The following CNTNAP2 variants were observed in gnomAD, a reference collection of about 807,000 sequenced individuals.
CNTNAP2 encodes contactin associated protein 2.
CNTNAP2 carries 98 observed loss-of-function variants against 155.2 expected under a neutral mutation model. The observed-to-expected ratio is 0.63, with a 90% CI of 0.54 to 0.75. CNTNAP2 has a LOEUF of 0.75. Among genes scored for constraint, CNTNAP2 ranks in the 30% least tolerant of loss-of-function variants. The pLI is 0.00. For synonymous variants in CNTNAP2, 651 were observed against 631.2 expected (o/e 1.03, Z -0.47); for missense variants, 1,727 against 1,688.1 (o/e 1.02, Z -0.40).
At chr7:148,299,105 C>G (rs1797335511) in intron 21 of CNTNAP2, among the ~76,000 whole-genome samples, 1 of 152,070 alleles carries the variant, frequency 6.6e-6, no homozygotes, top group Admixed American at 6.6e-5. Flanking sequence ...TTTCTCCCAC[C>G]TCAGCCTCCT....
chr7:146,272,864 G>T (rs1800103779), intron 1 of CNTNAP2, among the ~76,000 whole-genome samples: 1 of 152,146 alleles, frequency 6.6e-6, no homozygotes, highest in South Asian at 2.1e-4. Context: ...ATCTTTTTAT[G>T]TTAGGGAAGA....
chr7:146,523,229 A>G (rs1263496089), intron 1 of CNTNAP2, among the ~76,000 whole-genome samples: 1 of 152,080 alleles, frequency 6.6e-6, no homozygotes, highest in Non-Finnish European at 1.5e-5. Context: ...GAATAGCCAG[A>G]TATAAATTTA....
At chr7:146,137,655 C>T (rs1389509961) in intron 1 of CNTNAP2, among the ~76,000 whole-genome samples, 1 of 151,854 alleles carries the variant, frequency 6.6e-6, no homozygotes, top group Non-Finnish European at 1.5e-5. Context: ...GAGTTATTTT[C>T]AATTTAAAAA....
chr7:146,607,041 A>G (rs347195), intron 1 of CNTNAP2, among the ~76,000 whole-genome samples: 100,472 of 152,020 alleles, frequency 0.66, 34,847 homozygotes, highest in African/African-American at 0.85. Flanking sequence ...AATACTATTT[A>G]TCTTATTTAT....
At chr7:146,854,233 T>C (rs1346873786) in intron 3 of CNTNAP2, among the ~76,000 whole-genome samples, 1 of 152,182 alleles carries the variant, frequency 6.6e-6, no homozygotes. Flanking sequence ...GTAATCTAGA[T>C]GGTGGTTTCC....
At chr7:147,679,242 T>G (rs1437472884) in intron 13 of CNTNAP2, among the ~76,000 whole-genome samples, 5 of 151,836 alleles carry the variant, frequency 3.3e-5, no homozygotes, top group African/African-American at 9.7e-5. Flanking sequence ...ATTAAGAAAA[T>G]AAATGTTTTT....
At chr7:147,791,279 T>C (rs851697) in intron 13 of CNTNAP2, among the ~76,000 whole-genome samples, 73,534 of 151,784 alleles carry the variant, frequency 0.48, 19,945 homozygotes, top group African/African-American at 0.75. Context: ...AATCTATCAG[T>C]TCACTTTTCA....
chr7:147,625,037 T>C (rs1237527251), intron 12 of CNTNAP2, among the ~76,000 whole-genome samples: 1 of 152,104 alleles, frequency 6.6e-6, no homozygotes, highest in Non-Finnish European at 1.5e-5. Flanking sequence ...TCTCACTTAT[T>C]TGGGGGATCC....
intron 16 of CNTNAP2, among the ~76,000 whole-genome samples, chr7:148,121,706 G>A (rs1036150502): frequency 3.3e-5 from 5 of 152,016 alleles, no homozygotes; most frequent in East Asian, 3.9e-4. Flanking sequence ...GAAGATTCTC[G>A]ACTCAGAAAA....
At position 146,279,429 on chromosome 7, in the gene CNTNAP2, AACACACAC is replaced by A. The variant is rs60178387; in HGVS notation, c.97+162483_97+162490del. 2.5e-3 allele frequency among the ~76,000 whole-genome samples: 359 copies of A among 144,702 alleles called. 4 individuals are homozygous for A. Among genetic ancestry groups the A allele is most frequent in the African/African-American group, 8.5e-3 (341 of 40,322 alleles). 94.9% of individuals were successfully genotyped at this position (144,702 alleles called of 152,430 possible). A position where few individuals can be genotyped will look rare whatever the true frequency, so the allele number is the denominator to read the frequency against. On this transcript the variant is annotated intron_variant, in intron 1 of 23. Coordinates refer to ENST00000361727, the MANE Select transcript of CNTNAP2 (RefSeq NM_014141.6). ...CTTCATTAAAAAATTCATTTCCTTA[AACACACAC>A]ACACACACACACACACACACACACA...
At chr7:146,826,042 A>C (rs1803393743) in intron 2 of CNTNAP2, among the ~76,000 whole-genome samples, 1 of 151,968 alleles carries the variant, frequency 6.6e-6, no homozygotes, top group South Asian at 2.1e-4. Context: ...ATTTTTTTCC[A>C]GTGATGTCTT....
intron 11 of CNTNAP2, among the ~76,000 whole-genome samples, chr7:147,540,636 T>A (rs1799622446): frequency 6.6e-6 from 1 of 152,004 alleles, no homozygotes; most frequent in South Asian, 2.1e-4. Context: ...ATCGAGAGCA[T>A]CCTGGCCAAC....
intron 23 of CNTNAP2, among the ~76,000 whole-genome samples, chr7:148,413,033 A>G (rs180792293): frequency 6.6e-6 from 1 of 152,236 alleles, no homozygotes; most frequent in East Asian, 1.9e-4. Flanking sequence ...TCCTAGGATT[A>G]ACATTATCAT....
chr7:147,314,988 G>C (rs2116805256), intron 9 of CNTNAP2, among the ~76,000 whole-genome samples: 1 of 150,808 alleles, frequency 6.6e-6, no homozygotes, highest in East Asian at 1.9e-4. Flanking sequence ...CTATTTGCTA[G>C]CCTAGTGCAA....
rs1800647176 is a variant in CNTNAP2 at position 147,101,300 on chromosome 7, A to C, written c.551-6847A>C. 2.6e-5 allele frequency among the ~76,000 whole-genome samples: 4 copies of C among 152,268 alleles called. No homozygotes were observed. The South Asian group carries it at 8.3e-4, about 32-fold the overall frequency. ...TTCTGTGTGATGGTTTTAAGACGGG[A>C]GAGTTCCCTGGACCCCTTCACGGGA... On this transcript the variant is annotated intron_variant, in intron 4 of 23. Transcript: ENST00000361727.
chr7:147,762,623 G>T (rs898964726), intron 13 of CNTNAP2, among the ~76,000 whole-genome samples: 89 of 150,684 alleles, frequency 5.9e-4, no homozygotes, highest in African/African-American at 2.1e-3. Flanking sequence ...TTAATTAACT[G>T]TGCTCAGTAA....
At chr7:147,202,077 A>G (rs756685172) in intron 8 of CNTNAP2, among the ~76,000 whole-genome samples, 2 of 152,152 alleles carry the variant, frequency 1.3e-5, no homozygotes, top group Non-Finnish European at 2.9e-5. Context: ...AAATAAACCA[A>G]TACTTTATTA....
At chr7:146,642,831 A>G (rs1799735466) in intron 1 of CNTNAP2, among the ~76,000 whole-genome samples, 1 of 151,734 alleles carries the variant, frequency 6.6e-6, no homozygotes, top group East Asian at 2.0e-4. Context: ...TTGTTTCCTG[A>G]CTTTTTAATG....
intron 1 of CNTNAP2, among the ~76,000 whole-genome samples, chr7:146,379,655 G>A (rs1434294676): frequency 1.3e-5 from 2 of 152,104 alleles, no homozygotes; most frequent in African/African-American, 2.4e-5. Flanking sequence ...ATTGCAGTTT[G>A]TCATCTTGTG....
Sources: gnomAD v4.1 joint callset for allele counts (sites outside exome capture counted in the v4.1 genomes callset) on GRCh38, gnomAD v4.1.1 for gene constraint, MANE v1.5 for transcripts, NCBI Gene and HGNC (gene_info 2026-07-23, HGNC 2026-07-21) for gene names.